The following USH2A variants were observed in gnomAD, a reference collection of about 807,000 sequenced individuals.
USH2A encodes usherin.
A neutral mutation model predicts 538.9 loss-of-function variants in USH2A; 443 were observed. The ratio of observed to expected loss-of-function variants is 0.82; its 90% CI spans 0.76 to 0.89. USH2A has a LOEUF of 0.89. Among genes scored for constraint, USH2A ranks in the 40% least tolerant of loss-of-function variants. USH2A has a pLI of 0.00. For missense variants in USH2A, 6,633 were observed against 6,324.8 expected (o/e 1.05, Z -1.65); for synonymous variants, 2,413 against 2,273.5 (o/e 1.06, Z -1.75).
At chr1:216,288,202 A>AGTCAG (rs2036925844) in intron 11 of USH2A, among the ~76,000 whole-genome samples, 1 of 152,168 alleles carries the variant, frequency 6.6e-6, no homozygotes, top group South Asian at 2.1e-4. Flanking sequence ...CTAAAGATAC[A>AGTCAG]GTCAGAGTTT....
intron 4 of USH2A, among the ~76,000 whole-genome samples, chr1:216,352,842 A>G (rs186410033): frequency 1.3e-3 from 196 of 152,210 alleles, no homozygotes; most frequent in African/African-American, 4.0e-3. Context: ...GTTAATTTTT[A>G]TGGTAAAGTT....
chr1:215,997,034 C>T (rs536679138), intron 34 of USH2A, among the ~76,000 whole-genome samples: 1 of 152,170 alleles, frequency 6.6e-6, no homozygotes, highest in African/African-American at 2.4e-5. Flanking sequence ...AACCTGCTCT[C>T]GATCTACTAA....
intron 37 of USH2A, among the ~76,000 whole-genome samples, chr1:215,957,502 T>A (rs1667099128): frequency 6.6e-6 from 1 of 152,238 alleles, no homozygotes; most frequent in Admixed American, 6.5e-5. Context: ...AGACTTTAAC[T>A]GGGTTTCAAT....
At chr1:216,231,571 C>CA (rs2035694531) in intron 14 of USH2A, among the ~76,000 whole-genome samples, 1 of 149,064 alleles carries the variant, frequency 6.7e-6, no homozygotes, top group Non-Finnish European at 1.5e-5. Flanking sequence ...TTTTTTGAGA[C>CA]AGAGTCTTGC....
At chr1:215,886,327 T>G (rs2102458139) in intron 41 of USH2A, among the ~76,000 whole-genome samples, 1 of 152,336 alleles carries the variant, frequency 6.6e-6, no homozygotes, top group East Asian at 1.9e-4. Flanking sequence ...ATACCTCTGT[T>G]TACCAGCTAA....
chr1:216,198,861 G>A (rs1298159814), intron 17 of USH2A, among the ~76,000 whole-genome samples: 3 of 152,028 alleles, frequency 2.0e-5, no homozygotes, highest in Non-Finnish European at 2.9e-5. Context: ...ATAACACATA[G>A]ACAAAAAATA....
At chr1:215,771,836 T>C (rs1661300815) in intron 55 of USH2A, among the ~76,000 whole-genome samples, 2 of 152,108 alleles carry the variant, frequency 1.3e-5, no homozygotes, top group Middle Eastern at 3.2e-3. Context: ...GTAGGCATGA[T>C]AGTAGAGACT....
intron 7 of USH2A, among the ~76,000 whole-genome samples, chr1:216,323,952 G>A (rs2037672041): frequency 6.6e-6 from 1 of 151,994 alleles, no homozygotes; most frequent in South Asian, 2.1e-4. Context: ...ATCAGATTGT[G>A]AAACATCAGT....
At chr1:215,662,016 G>A (rs1362436465) in intron 64 of USH2A, among the ~76,000 whole-genome samples, 1 of 152,184 alleles carries the variant, frequency 6.6e-6, no homozygotes, top group East Asian at 1.9e-4. Context: ...CCCTGAAGGG[G>A]AGAGTGCATG....
chr1:216,132,318 T>C (rs946676783), intron 21 of USH2A, among the ~76,000 whole-genome samples: 1 of 152,126 alleles, frequency 6.6e-6, no homozygotes, highest in Non-Finnish European at 1.5e-5. Flanking sequence ...TTTTTCATAC[T>C]GAACACTCAT....
chr1:215,799,875 A>T (rs2102779560), intron 49 of USH2A, among the ~76,000 whole-genome samples: 1 of 152,074 alleles, frequency 6.6e-6, no homozygotes, highest in Admixed American at 6.6e-5. Context: ...AGTCCCACCT[A>T]CTCGAGAGGC....
intron 34 of USH2A, among the ~76,000 whole-genome samples, chr1:215,996,648 C>G (rs2102480133): frequency 8.4e-6 from 1 of 118,860 alleles, no homozygotes; most frequent in South Asian, 2.9e-4. Flanking sequence ...CCAGTGTTTC[C>G]AAGCAAATTA....
At chr1:216,163,409 C>T (rs9727215) in intron 21 of USH2A, among the ~76,000 whole-genome samples, 4,787 of 151,512 alleles carry the variant, frequency 0.032, 237 homozygotes, top group African/African-American at 0.11. Context: ...GTGTATATGC[C>T]TATGTGTGTA....
chr1:215,862,392 C>T (rs916163958), intron 44 of USH2A, among the ~76,000 whole-genome samples: 1 of 151,358 alleles, frequency 6.6e-6, no homozygotes, highest in Non-Finnish European at 1.5e-5. Context: ...GGAAGGGGAA[C>T]ATCACACACC....
chr1:215,794,034 T>C (rs184588757), intron 50 of USH2A, among the ~76,000 whole-genome samples: 2 of 152,292 alleles, frequency 1.3e-5, no homozygotes, highest in Non-Finnish European at 2.9e-5. Flanking sequence ...TTAAAATCTA[T>C]TCAAAGAAAA....
intron 30 of USH2A, among the ~76,000 whole-genome samples, chr1:216,066,335 G>T (rs2031369064): frequency 6.6e-6 from 1 of 152,050 alleles, no homozygotes; most frequent in African/African-American, 2.4e-5. Flanking sequence ...ACCCGGGCGT[G>T]GAGGTCTGTA....
chr1:215,699,041 A>T (rs1332690135), intron 61 of USH2A, among the ~76,000 whole-genome samples: 1 of 152,194 alleles, frequency 6.6e-6, no homozygotes, highest in African/African-American at 2.4e-5. Flanking sequence ...GCATATAGGT[A>T]GCCAGTTTTC....
chr1:216,420,715 A>G (rs1471272791), intron 2 of USH2A, among the ~76,000 whole-genome samples: 1 of 152,198 alleles, frequency 6.6e-6, no homozygotes, highest in African/African-American at 2.4e-5. Flanking sequence ...TTAATTATAT[A>G]AACTGAGTAG....
rs573297255 is a variant in USH2A at position 216,080,977 on chromosome 1, T to C, written c.5298+2479A>G. 2.6e-5 allele frequency among the ~76,000 whole-genome samples: 4 copies of C among 152,112 alleles called. No homozygotes were observed. In the East Asian group the frequency reaches 7.7e-4, roughly 29 times the overall value. On this transcript the variant is annotated intron_variant, in intron 26 of 71. Transcript: ENST00000307340. ...TCTAGATCCTAAGATTATTTTTCTT[T>C]CACTTTCTACATCTAAAATATATTA...
Sources: allele counts gnomAD v4.1 joint callset (sites outside exome capture counted in the v4.1 genomes callset), GRCh38; gene constraint gnomAD v4.1.1; transcripts MANE v1.5; gene names NCBI Gene and HGNC (gene_info 2026-07-23, HGNC 2026-07-21).